Variants in ANKRD36B observed in about 807,000 individuals in gnomAD.
ANKRD36B encodes ankyrin repeat domain-containing protein 36B.
A neutral mutation model predicts 135.7 loss-of-function variants in ANKRD36B; 37 were observed. That is an observed-to-expected ratio of 0.27 (90% CI 0.21 to 0.36). ANKRD36B has a LOEUF of 0.36. ANKRD36B is among the 10% of genes least tolerant of loss of function. The probability of loss-of-function intolerance (pLI) is 1.00; values close to 1 mark genes in which losing one functional copy is unlikely to be tolerated. For synonymous variants in ANKRD36B, 179 were observed against 348.1 expected (o/e 0.51, Z 5.41); for missense variants, 549 against 1,037.1 (o/e 0.53, Z 6.46).
intron 3 of ANKRD36B, among the ~76,000 whole-genome samples, chr2:97,581,394 T>C (rs1404762048): frequency 2.0e-5 from 3 of 151,726 alleles, no homozygotes; most frequent in Non-Finnish European, 2.9e-5. Flanking sequence ...GACAGTTCAT[T>C]TGAAGCCTAT....
intron 14 of ANKRD36B, among the ~76,000 whole-genome samples, chr2:97,554,471 G>A (rs2080319199): frequency 6.6e-6 from 1 of 151,870 alleles, no homozygotes; most frequent in South Asian, 2.1e-4. Flanking sequence ...TCCTGGAGCT[G>A]CCAAAATCAA....
intron 6 of ANKRD36B, among the ~76,000 whole-genome samples, chr2:97,566,031 AG>A (rs1443027714): frequency 1.3e-5 from 2 of 151,908 alleles, no homozygotes; most frequent in Non-Finnish European, 2.9e-5. Flanking sequence ...AAAATCATAC[AG>A]GCTGGGCACA....
At chr2:97,547,227 A>G (rs1424291905) in intron 22 of ANKRD36B, 2 of 306,806 alleles carry the variant, frequency 6.5e-6, no homozygotes, top group Admixed American at 9.7e-5. Flanking sequence ...TTCTCCTTCC[A>G]CCCTTACTGA....
chr2:97,578,773 A>G, intron 5 of ANKRD36B, 133 bp downstream of exon 5: 1 of 1,211,600 alleles, frequency 8.3e-7, no homozygotes, highest in Non-Finnish European at 1.1e-6. Context: ...GAAAACTTAA[A>G]AACTTGAAAA....
At chr2:97,588,159 G>T (rs2083157636) in intron 1 of ANKRD36B, among the ~76,000 whole-genome samples, 1 of 151,318 alleles carries the variant, frequency 6.6e-6, no homozygotes, top group Non-Finnish European at 1.5e-5. Context: ...TTCTTATTTT[G>T]TGCATTTAAA....
Position 97,530,563 on chromosome 2 carries a change from A to C in ANKRD36B, c.2265+1748T>G, listed in dbSNP as rs1419311238. Among the ~76,000 whole-genome samples the C allele has an allele frequency of 8.1e-4, 78 of 96,664 alleles. 19 individuals are homozygous for C. Among genetic ancestry groups the C allele is most frequent in the African/African-American group, 2.1e-3 (66 of 32,176 alleles). The allele number at this position is 96,664 out of a possible 152,430, so 63.4% of individuals were successfully genotyped here. A position where few individuals can be genotyped will look rare whatever the true frequency, so the allele number is the denominator to read the frequency against. On this transcript the variant is annotated intron_variant, in intron 35 of 43. Coordinates refer to ENST00000359901, the MANE Select transcript of ANKRD36B (RefSeq NM_001393939.1). The stretch of plus-strand genomic sequence containing the variant: ...AGCCAAAATTGACAGATGGGATCTA[A>C]TTAAGCTAAAGAGCTTCTGCACAGC...
chr2:97,555,353 G>A lies in ANKRD36B; in HGVS notation c.1070-99C>T, dbSNP rs549954810. The stretch of plus-strand genomic sequence containing the variant: ...AGCATCAAGCTGTATCTTCCTGCCT[G>A]TATTAGTATAGGCTTTGATTTTTGT... On this transcript the variant is annotated intron_variant, in intron 12 of 43. Transcript: ENST00000359901. 44 of 1,526,456 alleles carry A rather than the reference G, an allele frequency of 2.9e-5. No individual in the cohort carries two copies. In the African/African-American group the frequency reaches 5.9e-4, roughly 21 times the overall value. 94.6% of individuals were successfully genotyped at this position (1,526,456 alleles called of 1,614,324 possible). A position where few individuals can be genotyped will look rare whatever the true frequency, so the allele number is the denominator to read the frequency against.
rs560448631 is a variant in ANKRD36B, at chr2:97,564,427, G to A, written c.764-3567C>T. Among the ~76,000 whole-genome samples the A allele has an allele frequency of 5.3e-5, 8 of 152,188 alleles. No individual in the cohort carries two copies. In the South Asian group the frequency reaches 1.7e-3, roughly 32 times the overall value. On this transcript the variant is annotated intron_variant, in intron 6 of 43. Coordinates refer to ENST00000359901, the MANE Select transcript of ANKRD36B (RefSeq NM_001393939.1). Reference sequence around the variant, plus strand: ...TTGGCTTTTGTTGACATTGCTTTTGGTGTTTTAGTCATGAAGTATTTGCCC... The same window carrying A: ...TTGGCTTTTGTTGACATTGCTTTTGATGTTTTAGTCATGAAGTATTTGCCC...
chr2:97,569,574 A>G (rs2081686559), intron 6 of ANKRD36B, among the ~76,000 whole-genome samples: 2 of 151,634 alleles, frequency 1.3e-5, no homozygotes, highest in Non-Finnish European at 1.5e-5. Flanking sequence ...TGATGCATCA[A>G]TGTAAGCTTC....
At chr2:97,588,361 G>A (rs2083174148) in intron 1 of ANKRD36B, among the ~76,000 whole-genome samples, 1 of 151,358 alleles carries the variant, frequency 6.6e-6, no homozygotes, top group South Asian at 2.1e-4. Context: ...TTGTAATTGC[G>A]GCAAAAACCG....
In ANKRD36B at chr2:97,492,721, G is replaced by C. The variant is rs1456619444; in HGVS notation, c.*141C>G. On this transcript the variant is annotated 3_prime_UTR_variant, in exon 44 of 44. Coordinates refer to ENST00000359901, the MANE Select transcript of ANKRD36B (RefSeq NM_001393939.1). ...ATTTTCACAATTTTCCTGAGATGTC[G>C]TTATCATTCTTTGACTCTCCTTTCT... The C allele has an allele frequency of 0.035, 23 of 664 alleles. No homozygotes were observed. The highest frequency in any genetic ancestry group is 0.12 in the East Asian group (18 of 144). The allele number at this position is 664 out of a possible 1,614,324, so 0.0% of individuals were successfully genotyped here.
chr2:97,585,151 T>A, intron 2 of ANKRD36B, 34 bp from the exon 3 acceptor site: 1 of 1,613,872 alleles, frequency 6.2e-7, no homozygotes, highest in Non-Finnish European at 8.5e-7. Context: ...ATGCAAATAC[T>A]GAAAAAATCA....
At position 97,551,440 on chromosome 2, in the gene ANKRD36B, G is replaced by C. The variant is rs373665293; in HGVS notation, c.1302+12C>G. ...GTTTACTAGCTCACAATATAAATGA[G>C]AGTTTCATTACCTTCAAGGCTGGTT... On this transcript the variant is annotated intron_variant, in intron 17 of 43. Coordinates refer to ENST00000359901, the MANE Select transcript of ANKRD36B (RefSeq NM_001393939.1). The C allele has an allele frequency of 1.9e-6, 3 of 1,606,574 alleles. No homozygotes were observed. The highest frequency in any genetic ancestry group is 2.5e-6 in the Non-Finnish European group (3 of 1,178,804).
chr2:97,526,441 A>T lies in ANKRD36B; in HGVS notation c.2266-2974T>A, dbSNP rs191083343. Among the ~76,000 whole-genome samples the T allele has an allele frequency of 2.8e-3, 270 of 97,066 alleles. 63 individuals carry two copies. The highest frequency in any genetic ancestry group is 8.1e-3 in the African/African-American group (262 of 32,390). 63.7% of individuals were successfully genotyped at this position (97,066 alleles called of 152,430 possible). A position where few individuals can be genotyped will look rare whatever the true frequency, so the allele number is the denominator to read the frequency against. ...TCAAAGACCACAAGTAGATAAAACC[A>T]CAAAGATGGGGAAAAAACAGAGCAG... On this transcript the variant is annotated intron_variant, in intron 35 of 43. Coordinates refer to ENST00000359901, the MANE Select transcript of ANKRD36B (RefSeq NM_001393939.1).
chr2:97,500,899 GT>G (rs1303049612), intron 43 of ANKRD36B, among the ~76,000 whole-genome samples: 5 of 41,564 alleles, frequency 1.2e-4, no homozygotes, highest in Admixed American at 7.6e-4. Context: ...CAATGGCACA[GT>G]CTCAGCTAAC....
chr2:97,562,596 T>C (rs1002452993), intron 6 of ANKRD36B, among the ~76,000 whole-genome samples: 2 of 152,018 alleles, frequency 1.3e-5, no homozygotes, highest in African/African-American at 2.4e-5. Context: ...ATTACCTCAC[T>C]AGCTGCTTTC....
At chr2:97,573,021 T>A (rs552146494) in intron 6 of ANKRD36B, among the ~76,000 whole-genome samples, 1 of 151,980 alleles carries the variant, frequency 6.6e-6, no homozygotes, top group Non-Finnish European at 1.5e-5. Flanking sequence ...CATTAACTCA[T>A]CATTTAGCAT....
chr2:97,566,256 G>A (rs1482668394), intron 6 of ANKRD36B, among the ~76,000 whole-genome samples: 1 of 152,080 alleles, frequency 6.6e-6, no homozygotes, highest in Admixed American at 6.6e-5. Context: ...AGGAGGCAGA[G>A]GTTGCAGTGA....
At chr2:97,548,287 T>C (rs2079688111) in intron 20 of ANKRD36B, among the ~76,000 whole-genome samples, 1 of 151,874 alleles carries the variant, frequency 6.6e-6, no homozygotes, top group Non-Finnish European at 1.5e-5. Flanking sequence ...TGATACCAAG[T>C]AGATAATATT....
Sources: allele counts gnomAD v4.1 joint callset (sites outside exome capture counted in the v4.1 genomes callset), GRCh38; gene constraint gnomAD v4.1.1; transcripts MANE v1.5; gene names NCBI Gene and HGNC (gene_info 2026-07-23, HGNC 2026-07-21).